MXI1: variants seen among roughly 807,000 people sequenced by gnomAD.
MXI1 encodes the protein MAX interactor 1, dimerization protein.
MXI1 carries 18 observed loss-of-function variants against 36.9 expected under a neutral mutation model. The ratio of observed to expected loss-of-function variants is 0.49; its 90% CI spans 0.34 to 0.72. The LOEUF (loss-of-function observed/expected upper bound fraction) is 0.72. MXI1 is among the 30% of genes least tolerant of loss of function. MXI1 has a pLI of 0.01. For missense variants in MXI1, 304 were observed against 379.1 expected, an observed-to-expected ratio of 0.80 and a Z score of 1.64; for synonymous variants, 160 against 146.7, an observed-to-expected ratio of 1.09 and a Z score of -0.65.
At chr10:110,283,148 G>A (rs1035736287) in intron 5 of MXI1, among the ~76,000 whole-genome samples, 7 of 152,152 alleles carry the variant, frequency 4.6e-5, no homozygotes, top group Admixed American at 4.6e-4. Context: ...TTGGACAGCT[G>A]CCTACATTTT....
At chr10:110,216,685 T>TTTTTTTGG (rs71032071) in intron 1 of MXI1, among the ~76,000 whole-genome samples, 1 of 96,458 alleles carries the variant, frequency 1.0e-5, no homozygotes, top group South Asian at 4.5e-4. Flanking sequence ...TTTTTTTTTT[T>TTTTTTTGG]GGAGACAGGG....
Position 110,207,797 on chromosome 10 carries a change from C to A in MXI1, c.-12C>A. Reference sequence around the variant, plus strand: ...CCGTTAGAGGACGAGCTCGGCGGACCCCCGCTCCTCCATGGGCAAACGCGG... The same window carrying A: ...CCGTTAGAGGACGAGCTCGGCGGACACCCGCTCCTCCATGGGCAAACGCGG... On this transcript the variant is annotated 5_prime_UTR_variant, in exon 1 of 6. Coordinates refer to ENST00000332674, the MANE Select transcript of MXI1 (RefSeq NM_130439.3). 8.9e-7 allele frequency: 1 copy of A among 1,127,264 alleles called. No homozygotes were observed. Among genetic ancestry groups the A allele is most frequent in the Non-Finnish European group, 1.1e-6 (1 of 919,258 alleles). The allele number at this position is 1,127,264 out of a possible 1,614,324, so 69.8% of individuals were successfully genotyped here.
intron 2 of MXI1, among the ~76,000 whole-genome samples, chr10:110,230,326 G>T (rs188151317): frequency 6.6e-6 from 1 of 152,164 alleles, no homozygotes; most frequent in Non-Finnish European, 1.5e-5. Context: ...CTAATATTAT[G>T]TGTGGGACCA....
intron 1 of MXI1, among the ~76,000 whole-genome samples, chr10:110,210,864 G>C (rs759303206): frequency 6.6e-6 from 1 of 152,202 alleles, no homozygotes; most frequent in African/African-American, 2.4e-5. Context: ...GGCACTGCGG[G>C]TCGCTCGGCG....
intron 3 of MXI1, among the ~76,000 whole-genome samples, chr10:110,273,694 C>T (rs1291514285): frequency 6.6e-6 from 1 of 152,170 alleles, no homozygotes; most frequent in African/African-American, 2.4e-5. Context: ...ACTCATAGTT[C>T]ATTACGTAAC....
intron 4 of MXI1, 81 bp from the exon 5 acceptor site, chr10:110,279,833 G>A: frequency 9.1e-7 from 1 of 1,096,824 alleles, no homozygotes; most frequent in South Asian, 2.2e-5. Flanking sequence ...ATTCATTCAT[G>A]TTTTCTCTGC....
Position 110,280,067 on chromosome 10 carries a change from C to A in MXI1, c.706C>A (p.Arg236Ser), listed in dbSNP as rs914380903. ...CATTGGATCAACTATTTCTTCAGAT[C>A]GTTCTGATTCAGAGCGAGGTAGGCA... is the stretch of plus-strand genomic sequence containing the variant. ...DSIGSTISSD[R>S]SDSEREEIEV... Residue 236 changes from arginine (R) to serine (S), a missense_variant, in exon 5 of 6, where the codon CGT becomes AGT. Arg to Ser is a moderately radical substitution (Grantham distance 110, BLOSUM62 -1). This residue lies in a region of MXI1 where 125 missense variants were observed against 194.3 expected (regional missense o/e 0.64). Transcript: ENST00000332674. 3 of 1,589,618 alleles carry A rather than the reference C, an allele frequency of 1.9e-6. No individual in the cohort carries two copies. Among genetic ancestry groups the A allele is most frequent in the East Asian group, 2.3e-5 (1 of 44,374 alleles).
Position 110,208,039 on chromosome 10 carries a change from C to T in MXI1, c.231C>T (p.Leu77=), listed in dbSNP as rs1460998428. The T allele has an allele frequency of 1.9e-6, 3 of 1,602,800 alleles. No individual in the cohort carries two copies. The highest frequency in any genetic ancestry group is 1.3e-5 in the African/African-American group (1 of 74,110). ...TTCTGCAGAACGTGCAGATTCTGCT[C>T]GAGGCCGCCAGCTACCTGGAGCAGA... ...NTFLQNVQIL[L]EAASYLEQIE... is the part of the protein sequence containing the mutation. The change falls in exon 1 of 6, where the codon CTC becomes CTT. Residue 77 remains leucine, a synonymous_variant. Transcript: ENST00000332674.
intron 3 of MXI1, among the ~76,000 whole-genome samples, chr10:110,250,147 T>C (rs979655084): frequency 2.0e-5 from 3 of 152,124 alleles, no homozygotes; most frequent in African/African-American, 7.2e-5. Context: ...GAAATTCAGA[T>C]TTTTTTCTTG....
intron 3 of MXI1, among the ~76,000 whole-genome samples, chr10:110,274,332 C>T (rs543059559): frequency 3.2e-4 from 48 of 152,112 alleles, no homozygotes; most frequent in African/African-American, 1.1e-3. Context: ...TGGGCAAAAC[C>T]CACTTTAAAA....
intron 3 of MXI1, among the ~76,000 whole-genome samples, chr10:110,274,578 A>G (rs1191924416): frequency 6.6e-6 from 1 of 152,238 alleles, no homozygotes; most frequent in East Asian, 1.9e-4. Context: ...GTGTTAAATA[A>G]AAATAAAGTA....
intron 1 of MXI1, among the ~76,000 whole-genome samples, chr10:110,208,750 C>G (rs963852488): frequency 5.4e-5 from 8 of 149,470 alleles, no homozygotes; most frequent in African/African-American, 1.0e-4. Context: ...GCCCCCCCCC[C>G]CCCAAAGAAG....
At position 110,228,251 on chromosome 10, in the gene MXI1, A is replaced by C. The variant is rs1293804807; in HGVS notation, c.337A>C (p.Lys113Gln). 1 of 1,614,058 alleles carries C rather than the reference A, an allele frequency of 6.2e-7. No homozygotes were observed. Among genetic ancestry groups the C allele is most frequent in the Admixed American group, 1.7e-5 (1 of 60,022 alleles). ...SMPSPRLQHS[K>Q]PPRRLSRAQK... Reference sequence around the variant, plus strand: ...GCCGAGCCCCCGACTGCAGCATTCAAAGCCCCCACGGAGGTTGAGCCGGGC... The same window carrying C: ...GCCGAGCCCCCGACTGCAGCATTCACAGCCCCCACGGAGGTTGAGCCGGGC... The change falls in exon 2 of 6, where the codon AAG becomes CAG. Residue 113 changes from lysine (K) to glutamine (Q), a missense_variant. This residue lies in a region of MXI1 where 179 missense variants were observed against 184.8 expected (regional missense o/e 0.97). Transcript: ENST00000332674.
At chr10:110,226,270 G>T in intron 1 of MXI1, 2 of 1,498,628 alleles carry the variant, frequency 1.3e-6, no homozygotes, top group South Asian at 1.2e-5. Flanking sequence ...AGTTTTTGGA[G>T]CGCCGGGAGC....
intron 3 of MXI1, among the ~76,000 whole-genome samples, chr10:110,275,825 A>G (rs1233380172): frequency 1.3e-5 from 2 of 152,130 alleles, no homozygotes; most frequent in Non-Finnish European, 2.9e-5. Flanking sequence ...ATTAATACCG[A>G]TTTTGGAGGA....
At chr10:110,232,939 C>T (rs1356382021) in intron 2 of MXI1, among the ~76,000 whole-genome samples, 3 of 152,114 alleles carry the variant, frequency 2.0e-5, no homozygotes, top group Non-Finnish European at 4.4e-5. Context: ...CATCCTGTGT[C>T]ATGAAAATAA....
chr10:110,216,050 T>C (rs1029906088), intron 1 of MXI1, among the ~76,000 whole-genome samples: 3 of 152,338 alleles, frequency 2.0e-5, no homozygotes, highest in South Asian at 2.1e-4. Flanking sequence ...GACTTGATCT[T>C]TGTGGTCAAA....
At chr10:110,220,455 T>A (rs1292022605) in intron 1 of MXI1, among the ~76,000 whole-genome samples, 1 of 152,206 alleles carries the variant, frequency 6.6e-6, no homozygotes, top group African/African-American at 2.4e-5. Flanking sequence ...CATCTGAGGC[T>A]GAGAGAACGC....
intron 2 of MXI1, among the ~76,000 whole-genome samples, chr10:110,237,898 T>C (rs371883730): frequency 4.2e-4 from 64 of 152,302 alleles, no homozygotes; most frequent in Non-Finnish European, 8.4e-4. Flanking sequence ...TGCCTCAGCC[T>C]CTCAAGTAGC....
Sources: allele counts gnomAD v4.1 joint callset (sites outside exome capture counted in the v4.1 genomes callset), GRCh38; gene constraint gnomAD v4.1.1; regional missense constraint gnomAD v4.1.1; transcripts MANE v1.5; gene names NCBI Gene and HGNC (gene_info 2026-07-23, HGNC 2026-07-21).